NUP205: variants seen among roughly 807,000 people sequenced by gnomAD.
NUP205 encodes the protein nucleoporin 205.
A neutral mutation model predicts 253.8 loss-of-function variants in NUP205; 76 were observed. The ratio of observed to expected loss-of-function variants is 0.30; its 90% CI spans 0.25 to 0.36. The LOEUF (loss-of-function observed/expected upper bound fraction) is 0.36, where lower values mean the gene tolerates loss of function less well. Among genes scored for constraint, NUP205 ranks in the 10% least tolerant of loss-of-function variants. The pLI is 1.00. For synonymous variants in NUP205, 832 were observed against 850.1 expected (o/e 0.98, Z 0.37); for missense variants, 2,162 against 2,425.5 (o/e 0.89, Z 2.28).
chr7:135,641,845 T>G (rs1226301785), intron 38 of NUP205, among the ~76,000 whole-genome samples: 1 of 151,956 alleles, frequency 6.6e-6, no homozygotes, highest in Non-Finnish European at 1.5e-5. Context: ...AGTCAGACTT[T>G]AGAGCAAAGT....
chr7:135,575,372 G>C (rs927433486), intron 3 of NUP205, among the ~76,000 whole-genome samples: 3 of 152,166 alleles, frequency 2.0e-5, no homozygotes, highest in African/African-American at 7.2e-5. Context: ...GAAATTGCCT[G>C]TGCAAGAGGG....
In NUP205 at chr7:135,644,942, T is replaced by C. The variant is rs12540688; in HGVS notation, c.5607T>C (p.Ala1869=). The C allele has an allele frequency of 0.2, 327,380 of 1,613,488 alleles. 34,821 individuals carry two copies. Among genetic ancestry groups the C allele is most frequent in the East Asian group, 0.3 (13,420 of 44,854 alleles). The change falls in exon 40 of 43, where the codon GCT becomes GCC. Residue 1869 remains alanine, a synonymous_variant. Transcript: ENST00000285968. ...CTGGTGTTGATAAAATCTCCACTGCTCAGAAATATGTTCTAGCAAGACGGC... is the reference window on the plus strand; with the variant it reads ...CTGGTGTTGATAAAATCTCCACTGCCCAGAAATATGTTCTAGCAAGACGGC... ...MPAGVDKIST[A]QKYVLARRRL... is the part of the protein sequence containing the mutation.
At chr7:135,612,594 T>G (rs2129491075) in intron 22 of NUP205, among the ~76,000 whole-genome samples, 1 of 152,292 alleles carries the variant, frequency 6.6e-6, no homozygotes, top group South Asian at 2.1e-4. Flanking sequence ...ACCCTTTTTA[T>G]AGTATGATAG....
At chr7:135,576,199 T>A in intron 3 of NUP205, 71 bp from the exon 4 acceptor site, 1 of 1,320,118 alleles carries the variant, frequency 7.6e-7, no homozygotes, top group South Asian at 1.2e-5. Flanking sequence ...AACATTGTTA[T>A]ATTGATTTTT....
chr7:135,598,219 A>G lies in NUP205; in HGVS notation c.2274+12A>G, dbSNP rs746431236. 3.7e-6 allele frequency: 6 copies of G among 1,610,512 alleles called. No individual in the cohort carries two copies. Among genetic ancestry groups the G allele is most frequent in the Non-Finnish European group, 5.1e-6 (6 of 1,177,772 alleles). On this transcript the variant is annotated intron_variant, in intron 15 of 42. Transcript: ENST00000285968. ...GAGCAGCTGAAAAGGTTATGTTCAGAGAAAAGCTTTTTTCTCCTTATGCAT... is the reference window on the plus strand; with the variant it reads ...GAGCAGCTGAAAAGGTTATGTTCAGGGAAAAGCTTTTTTCTCCTTATGCAT...
In NUP205 at chr7:135,594,633, C is replaced by T. The variant is rs1444844918; in HGVS notation, c.1917C>T (p.Pro639=). Residue 639 remains proline, a synonymous_variant, in exon 13 of 43, where the codon CCC becomes CCT. Coordinates refer to ENST00000285968, the MANE Select transcript of NUP205 (RefSeq NM_015135.3). ...VILGLLQCSI[P]PVLKAELLKT... is the part of the protein sequence containing the mutation. ...TGGGACTCCTCCAATGCAGTATTCC[C>T]CCTGTCCTAAAAGCTGAGCTACTGA... 6.2e-7 allele frequency: 1 copy of T among 1,613,822 alleles called. No individual in the cohort carries two copies. The highest frequency in any genetic ancestry group is 1.7e-5 in the Admixed American group (1 of 60,006).
intron 22 of NUP205, among the ~76,000 whole-genome samples, 183 bp downstream of exon 22, chr7:135,607,554 A>G (rs548562472): frequency 1.3e-5 from 2 of 152,342 alleles, no homozygotes; most frequent in Non-Finnish European, 2.9e-5. Context: ...TTATAGACCC[A>G]AATCTTATGT....
chr7:135,630,318 AT>A, intron 34 of NUP205, 25 bp from the exon 35 acceptor site: 1 of 1,516,590 alleles, frequency 6.6e-7, no homozygotes, highest in Non-Finnish European at 8.8e-7. Context: ...TGTTTTTTCT[AT>A]TCCTCTTCCT....
At chr7:135,646,279 A>G in intron 42 of NUP205, 48 bp downstream of exon 42, 1 of 1,340,822 alleles carries the variant, frequency 7.5e-7, no homozygotes, top group Non-Finnish European at 1.1e-6. Context: ...TTAAAGTAAA[A>G]GGGCTGGGTG....
chr7:135,622,055 G>T (rs1309695109), intron 30 of NUP205, among the ~76,000 whole-genome samples: 1 of 149,934 alleles, frequency 6.7e-6, no homozygotes, highest in Non-Finnish European at 1.5e-5. Context: ...CCACCGCCTC[G>T]GCCTCCCAAA....
In NUP205 at chr7:135,577,003, G is replaced by T; in HGVS notation, c.523G>T (p.Asp175Tyr). 1.9e-6 allele frequency: 3 copies of T among 1,614,062 alleles called. No homozygotes were observed. Among genetic ancestry groups the T allele is most frequent in the Non-Finnish European group, 2.5e-6 (3 of 1,179,972 alleles). The change falls in exon 5 of 43, where the codon GAT (aspartate) becomes TAT (tyrosine). Residue 175 changes from aspartate (D) to tyrosine (Y), a missense_variant. Physicochemically the swap from Asp to Tyr is radical, Grantham distance 160. Coordinates refer to ENST00000285968, the MANE Select transcript of NUP205 (RefSeq NM_015135.3). Reference sequence around the variant, plus strand: ...GGCTTCCATGACAACACGCTTTACAGATGAGCTGATGGAGCAAGGATTGAC... The same window carrying T: ...GGCTTCCATGACAACACGCTTTACATATGAGCTGATGGAGCAAGGATTGAC... ...ELASMTTRFT[D>Y]ELMEQGLTYK...
chr7:135,618,382 A>T, intron 27 of NUP205, 30 bp from the exon 28 acceptor site: 2 of 1,593,442 alleles, frequency 1.3e-6, no homozygotes, highest in Non-Finnish European at 1.7e-6. Flanking sequence ...TTGCCTGTTT[A>T]ACCTTGTGAT....
Position 135,648,643 on chromosome 7 carries a change from C to T in NUP205, c.*87C>T. ...AGATTAGTTTCTTTCTAAATTATGA[C>T]CAAAAATATTTTGCTATTTCTTTCT... On this transcript the variant is annotated 3_prime_UTR_variant, in exon 43 of 43. Coordinates refer to ENST00000285968, the MANE Select transcript of NUP205 (RefSeq NM_015135.3). The T allele has an allele frequency of 9.0e-7, 1 of 1,111,750 alleles. No homozygotes were observed. The highest frequency in any genetic ancestry group is 1.2e-6 in the Non-Finnish European group (1 of 836,804). The allele number at this position is 1,111,750 out of a possible 1,614,324, so 68.9% of individuals were successfully genotyped here.
At chr7:135,605,318 C>T (rs1360016321) in intron 19 of NUP205, among the ~76,000 whole-genome samples, 1 of 152,130 alleles carries the variant, frequency 6.6e-6, no homozygotes, top group East Asian at 1.9e-4. Context: ...TGCCTGGCCT[C>T]GTTGAAGGAT....
At chr7:135,629,822 G>A (rs374359687) in intron 34 of NUP205, among the ~76,000 whole-genome samples, 2 of 152,000 alleles carry the variant, frequency 1.3e-5, no homozygotes, top group Non-Finnish European at 2.9e-5. Context: ...ACCATGCCTG[G>A]TTCCTATCTC....
chr7:135,571,190 T>C lies in NUP205; in HGVS notation c.114T>C (p.Leu38=). 6.7e-7 allele frequency: 1 copy of C among 1,489,642 alleles called. No homozygotes were observed. Among genetic ancestry groups the C allele is most frequent in the Non-Finnish European group, 9.0e-7 (1 of 1,116,778 alleles). The allele number at this position is 1,489,642 out of a possible 1,614,324, so 92.3% of individuals were successfully genotyped here. ...GAAGACAACCTGAAGCTGTTCACCT[T>C]CTTGATAAGATTTTGAAGAAACACA... is the stretch of plus-strand genomic sequence containing the variant. ...LWRRQPEAVH[L]LDKILKKHKP... Residue 38 remains leucine (L), a synonymous_variant, in exon 2 of 43, where the codon CTT becomes CTC. Coordinates refer to ENST00000285968, the MANE Select transcript of NUP205 (RefSeq NM_015135.3).
chr7:135,603,106 AT>A, intron 18 of NUP205, 112 bp downstream of exon 18: 1 of 589,870 alleles, frequency 1.7e-6, no homozygotes, highest in Non-Finnish European at 2.6e-6. Flanking sequence ...TTTTTGCCTC[AT>A]TTTACTTTTT....
chr7:135,603,111 ACTTT>A, intron 18 of NUP205, 117 bp downstream of exon 18: 2 of 485,922 alleles, frequency 4.1e-6, no homozygotes, highest in South Asian at 3.8e-5. Context: ...GCCTCATTTT[ACTTT>A]TTTTTTTTTT....
chr7:135,561,415 G>A (rs1397450325), intron 1 of NUP205, among the ~76,000 whole-genome samples: 4 of 152,172 alleles, frequency 2.6e-5, no homozygotes, highest in Non-Finnish European at 5.9e-5. Context: ...AACTAGTCTT[G>A]TGACCTGTAT....
Sources: allele counts gnomAD v4.1 joint callset (sites outside exome capture counted in the v4.1 genomes callset), GRCh38; gene constraint gnomAD v4.1.1; transcripts MANE v1.5; gene names NCBI Gene and HGNC (gene_info 2026-07-23, HGNC 2026-07-21).